The following PDPN variants were observed in gnomAD, a reference collection of about 807,000 sequenced individuals.
PDPN encodes the protein PA2.26 antigen.
A neutral mutation model predicts 23.2 loss-of-function variants in PDPN; 12 were observed. The observed-to-expected ratio is 0.52, with a 90% confidence interval of 0.33 to 0.84. The LOEUF is 0.84. Ranked by LOEUF, PDPN falls within the 40% of genes least tolerant of loss-of-function variation. The pLI is 0.02. For missense variants in PDPN, 199 were observed against 212.2 expected (o/e 0.94, Z 0.39); for synonymous variants, 77 against 76.7 (o/e 1.00, Z -0.02).
At chr1:13,584,354 G>A in intron 1 of PDPN, 1 of 1,448,970 alleles carries the variant, frequency 6.9e-7, no homozygotes, top group Non-Finnish European at 9.1e-7. Context: ...GGGCAGCACA[G>A]GGGGCCTCCC....
At chr1:13,597,037 C>A (rs963397162) in intron 1 of PDPN, among the ~76,000 whole-genome samples, 2 of 152,112 alleles carry the variant, frequency 1.3e-5, no homozygotes, top group Non-Finnish European at 2.9e-5. Flanking sequence ...AAATAATATA[C>A]AAAAGCCTGT....
At chr1:13,605,541 A>C (rs945978172) in intron 1 of PDPN, among the ~76,000 whole-genome samples, 5 of 152,214 alleles carry the variant, frequency 3.3e-5, no homozygotes, top group African/African-American at 1.2e-4. Flanking sequence ...CAGAAGTTGA[A>C]GAAGAGGATA....
chr1:13,585,207 C>G (rs993715654), intron 1 of PDPN, among the ~76,000 whole-genome samples: 5 of 152,066 alleles, frequency 3.3e-5, no homozygotes, highest in Non-Finnish European at 7.3e-5. Flanking sequence ...AGGCCTAGGC[C>G]CTGAGGAATA....
At chr1:13,599,945 A>G (rs74707986) in intron 1 of PDPN, among the ~76,000 whole-genome samples, 6,788 of 152,240 alleles carry the variant, frequency 0.045, 484 homozygotes, top group African/African-American at 0.15. Context: ...GCTCAAAGCA[A>G]CACCTCCTTT....
chr1:13,612,107 T>C (rs544868349), intron 3 of PDPN, among the ~76,000 whole-genome samples: 2 of 100,858 alleles, frequency 2.0e-5, no homozygotes, highest in African/African-American at 7.1e-5. Context: ...TGTCACAAAA[T>C]TGCCCCTTCC....
intron 1 of PDPN, among the ~76,000 whole-genome samples, chr1:13,594,521 T>C (rs982222060): frequency 3.9e-5 from 6 of 152,212 alleles, no homozygotes; most frequent in Admixed American, 1.3e-4. Flanking sequence ...GAGTATTCAG[T>C]GCCTGTGAAG....
chr1:13,612,993 T>C (rs538190515), intron 3 of PDPN, among the ~76,000 whole-genome samples: 48 of 138,310 alleles, frequency 3.5e-4, no homozygotes, highest in East Asian at 3.4e-3. Context: ...AGAAAAGACA[T>C]TTTTATTTTT....
intron 1 of PDPN, 115 bp from the exon 2 acceptor site, chr1:13,607,058 A>C: frequency 7.8e-7 from 1 of 1,289,548 alleles, no homozygotes; most frequent in Non-Finnish European, 1.1e-6. Flanking sequence ...AGGACCAAAA[A>C]TAAAACAAAA....
chr1:13,592,917 T>TATAGGTTTA (rs1374912618), intron 1 of PDPN, among the ~76,000 whole-genome samples: 1 of 152,204 alleles, frequency 6.6e-6, no homozygotes, highest in Non-Finnish European at 1.5e-5. Flanking sequence ...CCCATAAATG[T>TATAGGTTTA]ATAGGTTTAA....
Position 13,610,492 on chromosome 1 carries a change from A to T in PDPN, c.307A>T (p.Asn103Tyr). 6.2e-7 allele frequency: 1 copy of T among 1,613,888 alleles called. No individual in the cohort carries two copies. Among genetic ancestry groups the T allele is most frequent in the East Asian group, 2.2e-5 (1 of 44,880 alleles). ...ACAAAGTCCAAGCGCCACAGCCTCA[A>T]ACGTGGCCACCAGTCACTCCACGGG... ...QEQSPSATASNVATSHSTEKV... is the reference protein window; with the variant it reads ...QEQSPSATASYVATSHSTEKV... The change falls in exon 3 of 6, where the codon AAC becomes TAC. Residue 103 changes from asparagine to tyrosine, a missense_variant. Coordinates refer to ENST00000621990, the MANE Select transcript of PDPN (RefSeq NM_006474.5).
chr1:13,606,404 G>C (rs368159361), intron 1 of PDPN, among the ~76,000 whole-genome samples: 1 of 152,212 alleles, frequency 6.6e-6, no homozygotes, highest in Non-Finnish European at 1.5e-5. Context: ...TGTAAAGTAA[G>C]AGGTAAAACT....
chr1:13,602,232 G>C (rs1264724439), intron 1 of PDPN, among the ~76,000 whole-genome samples: 1 of 152,194 alleles, frequency 6.6e-6, no homozygotes, highest in Non-Finnish European at 1.5e-5. Flanking sequence ...GGAGGCTGAG[G>C]CAGGAGAATG....
Position 13,610,378 on chromosome 1 carries a change from C to T in PDPN, c.202-9C>T. The T allele has an allele frequency of 6.2e-7, 1 of 1,610,988 alleles. No homozygotes were observed. On this transcript the variant is annotated splice_polypyrimidine_tract_variant and intron_variant, in intron 2 of 5. Transcript: ENST00000621990. ...ATTTCCTGTTTTTCCTCATTTACAC[C>T]TACAATAGGTGGCAACAAGTGTCAA... is the stretch of plus-strand genomic sequence containing the variant.
chr1:13,584,071 G>A lies in PDPN; in HGVS notation c.38G>A (p.Ser13Asn), dbSNP rs757235677. Residue 13 changes from serine (S) to asparagine (N), a missense_variant, in exon 1 of 6, where the codon AGC becomes AAC. Physicochemically the swap from Ser to Asn is conservative, Grantham distance 46 (BLOSUM62 1). Transcript: ENST00000621990. ...KVSALLFVLG[S>N]ASLWVLAEGA... Reference sequence around the variant, plus strand: ...TCAGCTCTGCTCTTCGTTTTGGGAAGCGCGTCGCTCTGGGTCCTGGCAGAA... The same window carrying A: ...TCAGCTCTGCTCTTCGTTTTGGGAAACGCGTCGCTCTGGGTCCTGGCAGAA... The A allele has an allele frequency of 9.9e-6, 16 of 1,613,180 alleles. No homozygotes were observed. In the South Asian group the frequency reaches 1.8e-4, roughly 18 times the overall value.
chr1:13,592,218 C>A (rs1169608922), intron 1 of PDPN, among the ~76,000 whole-genome samples: 2 of 152,174 alleles, frequency 1.3e-5, no homozygotes, highest in African/African-American at 2.4e-5. Context: ...AGATATTAGA[C>A]CCTTAAATAT....
chr1:13,607,131 G>A, intron 1 of PDPN, 42 bp from the exon 2 acceptor site: 1 of 1,592,346 alleles, frequency 6.3e-7, no homozygotes, highest in Non-Finnish European at 8.6e-7. Context: ...GTCTGCTTAT[G>A]CAATTTCCAC....
At chr1:13,594,160 C>G (rs1640427516) in intron 1 of PDPN, among the ~76,000 whole-genome samples, 2 of 152,226 alleles carry the variant, frequency 1.3e-5, no homozygotes. Flanking sequence ...AGAGACTGTG[C>G]TAGTGGCTGG....
In PDPN at chr1:13,583,969, T is replaced by G. The variant is rs1640107757; in HGVS notation, c.-65T>G. 1.2e-6 allele frequency: 2 copies of G among 1,613,724 alleles called. No individual in the cohort carries two copies. The highest frequency in any genetic ancestry group is 8.5e-7 in the Non-Finnish European group (1 of 1,179,996). On this transcript the variant is annotated 5_prime_UTR_variant, in exon 1 of 6. Coordinates refer to ENST00000621990, the MANE Select transcript of PDPN (RefSeq NM_006474.5). ...CTGGGCCTGTGGCCGCGGTGCTTTTTAATTTTCCCCCAGCTCAGAATCTTG... is the reference window on the plus strand; with the variant it reads ...CTGGGCCTGTGGCCGCGGTGCTTTTGAATTTTCCCCCAGCTCAGAATCTTG...
chr1:13,615,755 A>G (rs977669322), intron 5 of PDPN, 150 bp from the exon 6 acceptor site: 1 of 782,184 alleles, frequency 1.3e-6, no homozygotes, highest in Non-Finnish European at 2.2e-6. Context: ...GGACGAAGGC[A>G]TGGAGGAGGA....
Sources: gnomAD v4.1 joint callset for allele counts (sites outside exome capture counted in the v4.1 genomes callset) on GRCh38, gnomAD v4.1.1 for gene constraint, MANE v1.5 for transcripts, NCBI Gene and HGNC (gene_info 2026-07-23, HGNC 2026-07-21) for gene names.